The following CSMD1 variants were observed in gnomAD, a reference collection of about 807,000 sequenced individuals.
CSMD1 encodes the protein CUB and Sushi multiple domains 1, also known as CUB and sushi domain-containing protein 1.
A neutral mutation model predicts 417.5 loss-of-function variants in CSMD1; 213 were observed. The observed-to-expected ratio is 0.51, with a 90% CI of 0.46 to 0.57. The LOEUF (loss-of-function observed/expected upper bound fraction) is 0.57, where lower values mean the gene tolerates loss of function less well. Ranked by LOEUF, CSMD1 falls within the 20% of genes least tolerant of loss-of-function variation. The pLI, the probability that CSMD1 is intolerant of heterozygous loss-of-function variation, is 0.00. For missense variants in CSMD1, 6,923 were observed against 4,529.7 expected (o/e 1.53, Z -15.17); for synonymous variants, 2,862 against 1,736.8 (o/e 1.65, Z -16.11).
chr8:3,726,586 G>A (rs1029130806), intron 6 of CSMD1, among the ~76,000 whole-genome samples: 2 of 152,124 alleles, frequency 1.3e-5, no homozygotes, highest in Non-Finnish European at 2.9e-5. Flanking sequence ...CAGGAAATCT[G>A]GATATTCATG....
chr8:3,400,198 G>A (rs188549093), intron 15 of CSMD1, among the ~76,000 whole-genome samples: 76 of 152,226 alleles, frequency 5.0e-4, no homozygotes, highest in African/African-American at 1.6e-3. Flanking sequence ...ATCATCTAAA[G>A]GAATTTTAAA....
At chr8:4,172,404 T>C (rs1215588360) in intron 3 of CSMD1, among the ~76,000 whole-genome samples, 2 of 152,026 alleles carry the variant, frequency 1.3e-5, no homozygotes, top group South Asian at 4.2e-4. Flanking sequence ...AGCCAGTGGG[T>C]CTCATGGCTC....
intron 7 of CSMD1, among the ~76,000 whole-genome samples, chr8:3,650,048 G>A (rs1294425464): frequency 1.3e-5 from 2 of 152,180 alleles, no homozygotes; most frequent in African/African-American, 2.4e-5. Flanking sequence ...GGAAGCCAAG[G>A]CGGGCAGACC....
intron 1 of CSMD1, among the ~76,000 whole-genome samples, chr8:4,970,246 T>G (rs1425105514): frequency 6.6e-6 from 1 of 152,120 alleles, no homozygotes; most frequent in African/African-American, 2.4e-5. Context: ...GGGAGCTGAG[T>G]AAGTTGTGAG....
intron 1 of CSMD1, among the ~76,000 whole-genome samples, chr8:4,928,768 G>C (rs1807045514): frequency 6.6e-6 from 1 of 151,986 alleles, no homozygotes; most frequent in African/African-American, 2.4e-5. Context: ...CCATTAAAGA[G>C]GTAATTAAGT....
chr8:3,708,964 G>C (rs139549581), intron 6 of CSMD1, among the ~76,000 whole-genome samples: 3 of 152,114 alleles, frequency 2.0e-5, no homozygotes, highest in Admixed American at 6.5e-5. Flanking sequence ...ATCTGTGTGG[G>C]TGGGGAGCAA....
intron 1 of CSMD1, among the ~76,000 whole-genome samples, chr8:4,850,290 A>G (rs1801388740): frequency 6.6e-6 from 1 of 152,046 alleles, no homozygotes; most frequent in Non-Finnish European, 1.5e-5. Flanking sequence ...ACAATCCCCA[A>G]ACATTTTCTC....
chr8:4,267,595 G>A (rs559531161), intron 3 of CSMD1, among the ~76,000 whole-genome samples: 2 of 151,662 alleles, frequency 1.3e-5, no homozygotes, highest in Admixed American at 6.6e-5. Flanking sequence ...ATTCTTGGTT[G>A]GTAGAAAAAA....
intron 2 of CSMD1, among the ~76,000 whole-genome samples, chr8:4,632,577 C>A (rs1413897653): frequency 1.3e-5 from 2 of 152,042 alleles, no homozygotes; most frequent in Non-Finnish European, 2.9e-5. Context: ...ACATTCAGGG[C>A]ACATTTCTTA....
intron 5 of CSMD1, among the ~76,000 whole-genome samples, chr8:3,851,637 T>A: frequency 6.6e-6 from 1 of 151,950 alleles, no homozygotes; most frequent in East Asian, 1.9e-4. Flanking sequence ...ATTGCTAACT[T>A]AAGCTTTAGG....
chr8:3,342,761 G>A (rs761691727), intron 23 of CSMD1, among the ~76,000 whole-genome samples: 3 of 152,166 alleles, frequency 2.0e-5, no homozygotes, highest in African/African-American at 4.8e-5. Flanking sequence ...TCTCTGGCAA[G>A]TATTCAAAGT....
chr8:4,116,138 C>A (rs570230587), intron 3 of CSMD1, among the ~76,000 whole-genome samples: 2 of 151,812 alleles, frequency 1.3e-5, no homozygotes, highest in Non-Finnish European at 2.9e-5. Context: ...GATTTACAGG[C>A]GCGTACCACC....
At chr8:3,937,336 T>C (rs1430305968) in intron 5 of CSMD1, among the ~76,000 whole-genome samples, 3 of 152,182 alleles carry the variant, frequency 2.0e-5, no homozygotes, top group Non-Finnish European at 2.9e-5. Context: ...ACATGCTATA[T>C]AGAAATATTT....
intron 1 of CSMD1, among the ~76,000 whole-genome samples, chr8:4,761,099 G>A (rs1041501222): frequency 3.9e-5 from 6 of 152,016 alleles, no homozygotes; most frequent in African/African-American, 1.5e-4. Context: ...CAGACTGCAG[G>A]TAAATGTATT....
intron 3 of CSMD1, among the ~76,000 whole-genome samples, chr8:4,302,464 A>G (rs1798029765): frequency 6.6e-6 from 1 of 152,166 alleles, no homozygotes; most frequent in African/African-American, 2.4e-5. Context: ...TCGTGCAGAC[A>G]AAACAGCAGT....
chr8:3,991,085 A>G (rs1357737911), intron 5 of CSMD1, among the ~76,000 whole-genome samples: 2 of 152,192 alleles, frequency 1.3e-5, no homozygotes, highest in Non-Finnish European at 2.9e-5. Context: ...TTCGCTGCCC[A>G]GCGGCTTCAT....
intron 12 of CSMD1, among the ~76,000 whole-genome samples, chr8:3,468,444 C>A (rs1816906980): frequency 6.6e-6 from 1 of 152,214 alleles, no homozygotes; most frequent in Non-Finnish European, 1.5e-5. Context: ...CATATGCCCA[C>A]ACTTCCTAGC....
chr8:3,362,273 T>C (rs1290232227), intron 20 of CSMD1, among the ~76,000 whole-genome samples: 1 of 152,190 alleles, frequency 6.6e-6, no homozygotes, highest in Non-Finnish European at 1.5e-5. Context: ...GTACCTTCCA[T>C]TTTCCCATCC....
chr8:4,213,360 A>G (rs1485185117), intron 3 of CSMD1, among the ~76,000 whole-genome samples: 1 of 152,150 alleles, frequency 6.6e-6, no homozygotes, highest in Non-Finnish European at 1.5e-5. Context: ...CCGTGCACAA[A>G]AAAAGGCTAT....
Sources: gnomAD v4.1 joint callset for allele counts (sites outside exome capture counted in the v4.1 genomes callset) on GRCh38, gnomAD v4.1.1 for gene constraint, MANE v1.5 for transcripts, NCBI Gene and HGNC (gene_info 2026-07-23, HGNC 2026-07-21) for gene names.